LHFPL2: variants seen among roughly 807,000 people sequenced by gnomAD.
The protein encoded by LHFPL2 is LHFPL tetraspan subfamily member 2, also known as LHFPL tetraspan subfamily member 2 protein.
LHFPL2 carries 7 observed loss-of-function variants against 17.5 expected under a neutral mutation model. That is an observed-to-expected ratio of 0.40 (90% CI 0.23 to 0.75). LHFPL2 has a LOEUF of 0.75. LHFPL2 is among the 30% of genes least tolerant of loss of function. LHFPL2 has a pLI of 0.37. For synonymous variants in LHFPL2, 134 were observed against 116.2 expected, an observed-to-expected ratio of 1.15 and a Z score of -0.99; for missense variants, 241 against 294.8, an observed-to-expected ratio of 0.82 and a Z score of 1.34.
At chr5:78,564,418 G>C (rs368714481) in intron 3 of LHFPL2, among the ~76,000 whole-genome samples, 101 of 152,122 alleles carry the variant, frequency 6.6e-4, no homozygotes, top group Middle Eastern at 3.4e-3. Context: ...AATAAAATTG[G>C]GTATTTTTAA....
intron 2 of LHFPL2, among the ~76,000 whole-genome samples, chr5:78,630,904 C>A (rs1039789212): frequency 2.0e-5 from 3 of 152,148 alleles, no homozygotes; most frequent in African/African-American, 7.2e-5. Context: ...GAGAATTCAG[C>A]CACCCGGCAG....
intron 2 of LHFPL2, among the ~76,000 whole-genome samples, chr5:78,585,679 C>T (rs536559994): frequency 1.0e-3 from 159 of 152,320 alleles, no homozygotes; most frequent in Non-Finnish European, 1.9e-3. Context: ...ACCTCCACCT[C>T]CTCCTCCTCC....
At chr5:78,544,788 C>T (rs1250867912) in intron 3 of LHFPL2, among the ~76,000 whole-genome samples, 1 of 151,996 alleles carries the variant, frequency 6.6e-6, no homozygotes, top group African/African-American at 2.4e-5. Context: ...CACACACACC[C>T]CAAAACAGAA....
At chr5:78,490,874 G>A (rs1754420884) in intron 4 of LHFPL2, among the ~76,000 whole-genome samples, 1 of 152,080 alleles carries the variant, frequency 6.6e-6, no homozygotes, top group African/African-American at 2.4e-5. Flanking sequence ...TTTAGATACT[G>A]GGGAATATCA....
intron 4 of LHFPL2, chr5:78,494,452 C>G: frequency 6.1e-6 from 6 of 985,366 alleles, no homozygotes; most frequent in Non-Finnish European, 7.2e-6. Flanking sequence ...TCCCCGTGTT[C>G]TAACAGCCTC....
At chr5:78,501,123 T>C (rs976171526) in intron 4 of LHFPL2, among the ~76,000 whole-genome samples, 1 of 152,216 alleles carries the variant, frequency 6.6e-6, no homozygotes, top group African/African-American at 2.4e-5. Context: ...GTTCCTACAC[T>C]TTCTGGACTT....
chr5:78,576,591 G>A (rs999247038), intron 2 of LHFPL2, among the ~76,000 whole-genome samples: 1 of 151,292 alleles, frequency 6.6e-6, no homozygotes, highest in Non-Finnish European at 1.5e-5. Flanking sequence ...ACAATTTGCA[G>A]GAGAAGAGAA....
intron 1 of LHFPL2, chr5:78,644,598 C>A: frequency 2.3e-6 from 1 of 442,758 alleles, no homozygotes; most frequent in South Asian, 2.8e-5. Context: ...TCTTTTTTGT[C>A]TCCCATTTAG....
At chr5:78,515,451 G>A (rs1755263697) in intron 3 of LHFPL2, among the ~76,000 whole-genome samples, 2 of 152,192 alleles carry the variant, frequency 1.3e-5, no homozygotes, top group Non-Finnish European at 2.9e-5. Flanking sequence ...ATGCTTGGCC[G>A]ATCTCTGTTT....
In LHFPL2 at chr5:78,516,974, A is replaced by C. The variant is rs144097669; in HGVS notation, c.-185-6576T>G. Among the ~76,000 whole-genome samples the C allele has an allele frequency of 3.0e-3, 464 of 152,322 alleles. 2 individuals carry two copies. The highest frequency in any genetic ancestry group is 6.8e-3 in the Middle Eastern group (2 of 294). ...ACCTGAGGGGCCTGGACATGGGTTC[A>C]GAAAACTGCATGGTTGGCCACACAG... On this transcript the variant is annotated intron_variant, in intron 3 of 4. Coordinates refer to ENST00000380345, the MANE Select transcript of LHFPL2 (RefSeq NM_005779.3).
chr5:78,536,729 C>T (rs1009394343), intron 3 of LHFPL2, among the ~76,000 whole-genome samples: 1 of 152,128 alleles, frequency 6.6e-6, no homozygotes, highest in Non-Finnish European at 1.5e-5. Context: ...CAGATTCTAC[C>T]CAGCCATATG....
chr5:78,611,501 C>G (rs1027337447), intron 2 of LHFPL2, among the ~76,000 whole-genome samples: 1 of 152,128 alleles, frequency 6.6e-6, no homozygotes, highest in South Asian at 2.1e-4. Flanking sequence ...CAGGAAGTCC[C>G]GCCAGAATCC....
chr5:78,495,316 AC>A, intron 4 of LHFPL2, among the ~76,000 whole-genome samples: 1 of 152,080 alleles, frequency 6.6e-6, no homozygotes, highest in East Asian at 1.9e-4. Flanking sequence ...CATGATTACT[AC>A]CCTCCTTCAC....
At chr5:78,617,719 G>A (rs1477952929) in intron 2 of LHFPL2, among the ~76,000 whole-genome samples, 3 of 152,162 alleles carry the variant, frequency 2.0e-5, no homozygotes, top group Non-Finnish European at 4.4e-5. Context: ...AGGAGAGGGC[G>A]CCGGATGAAG....
chr5:78,643,920 G>A (rs1028009156), intron 1 of LHFPL2, among the ~76,000 whole-genome samples: 1 of 152,140 alleles, frequency 6.6e-6, no homozygotes, highest in Non-Finnish European at 1.5e-5. Context: ...AAATTAGCCA[G>A]GTGTGGTGGC....
At chr5:78,635,713 G>T (rs112881426) in intron 1 of LHFPL2, among the ~76,000 whole-genome samples, 5,626 of 152,282 alleles carry the variant, frequency 0.037, 333 homozygotes, top group African/African-American at 0.12. Context: ...TGAGGCAGGA[G>T]AATGGTGTGA....
Position 78,561,096 on chromosome 5 carries a change from T to C in LHFPL2, c.-186+3717A>G, listed in dbSNP as rs182051248. Among the ~76,000 whole-genome samples the C allele has an allele frequency of 8.1e-4, 124 of 152,364 alleles. 2 individuals are homozygous for C. Among genetic ancestry groups the C allele is most frequent in the Admixed American group, 5.4e-3 (82 of 15,308 alleles). ...TAATACTTAACACTTCAAAATCTTG[T>C]GTATTTTGCACTCATTGCACATTTC... On this transcript the variant is annotated intron_variant, in intron 3 of 4. Coordinates refer to ENST00000380345, the MANE Select transcript of LHFPL2 (RefSeq NM_005779.3).
chr5:78,580,813 T>C (rs938381145), intron 2 of LHFPL2, among the ~76,000 whole-genome samples: 20 of 152,044 alleles, frequency 1.3e-4, no homozygotes, highest in Non-Finnish European at 2.4e-4. Flanking sequence ...TGGCTTAGGA[T>C]TGACTTAGCG....
intron 3 of LHFPL2, among the ~76,000 whole-genome samples, chr5:78,515,925 C>G (rs1406295269): frequency 6.6e-6 from 1 of 152,100 alleles, no homozygotes; most frequent in African/African-American, 2.4e-5. Flanking sequence ...ATGATGCCTC[C>G]CAGGTCACAG....
Sources: allele counts gnomAD v4.1 joint callset (sites outside exome capture counted in the v4.1 genomes callset), GRCh38; gene constraint gnomAD v4.1.1; transcripts MANE v1.5; gene names NCBI Gene and HGNC (gene_info 2026-07-23, HGNC 2026-07-21).